Variants in PTPRD observed in about 807,000 individuals in gnomAD.
PTPRD encodes the protein protein tyrosine phosphatase receptor type D.
PTPRD carries 34 observed loss-of-function variants against 214.5 expected under a neutral mutation model. The ratio of observed to expected loss-of-function variants is 0.16; its 90% CI spans 0.12 to 0.21. The LOEUF is 0.21. Ranked by LOEUF, PTPRD falls within the 10% of genes least tolerant of loss-of-function variation. PTPRD has a pLI of 1.00. For missense variants in PTPRD, 2,545 were observed against 2,398.7 expected, an observed-to-expected ratio of 1.06 and a Z score of -1.27; for synonymous variants, 1,128 against 845.7, an observed-to-expected ratio of 1.33 and a Z score of -5.79.
At chr9:9,597,085 C>T (rs928230629) in intron 7 of PTPRD, among the ~76,000 whole-genome samples, 15 of 151,912 alleles carry the variant, frequency 9.9e-5, no homozygotes, top group African/African-American at 2.7e-4. Flanking sequence ...CATTGAAAAA[C>T]GAATGAAAGT....
intron 4 of PTPRD, among the ~76,000 whole-genome samples, chr9:9,939,719 G>A (rs1603105843): frequency 6.6e-6 from 1 of 152,082 alleles, no homozygotes; most frequent in South Asian, 2.1e-4. Context: ...CTGTCTTCTG[G>A]TGTCAAGCTT....
chr9:9,988,530 C>T (rs890245961), intron 4 of PTPRD, among the ~76,000 whole-genome samples: 16 of 152,120 alleles, frequency 1.1e-4, no homozygotes, highest in African/African-American at 3.9e-4. Context: ...ACATGCAGAA[C>T]ATAAGTCTCA....
At chr9:9,462,372 T>C (rs1175521502) in intron 8 of PTPRD, among the ~76,000 whole-genome samples, 1 of 152,158 alleles carries the variant, frequency 6.6e-6, no homozygotes, top group Non-Finnish European at 1.5e-5. Context: ...TAGTCTTGGG[T>C]ATTCATATTC....
chr9:9,415,319 C>G (rs1176797382), intron 8 of PTPRD, among the ~76,000 whole-genome samples: 1 of 151,856 alleles, frequency 6.6e-6, no homozygotes, highest in Non-Finnish European at 1.5e-5. Context: ...ACTGAAAATA[C>G]AAAAATTAGC....
chr9:10,522,579 A>G (rs1046110213), intron 2 of PTPRD, among the ~76,000 whole-genome samples: 1 of 152,132 alleles, frequency 6.6e-6, no homozygotes, highest in African/African-American at 2.4e-5. Context: ...TCCAGATTTT[A>G]CAGAAAGGAC....
At chr9:9,568,794 G>C (rs2085407721) in intron 8 of PTPRD, among the ~76,000 whole-genome samples, 1 of 151,760 alleles carries the variant, frequency 6.6e-6, no homozygotes, top group Non-Finnish European at 1.5e-5. Context: ...ATAGTATAGA[G>C]GACTTCACAG....
At chr9:9,441,969 T>A (rs1404746564) in intron 8 of PTPRD, 1 of 152,260 alleles carries the variant, frequency 6.6e-6, no homozygotes, top group Non-Finnish European at 1.5e-5. Context: ...ATGGAACATA[T>A]TTCAAGATAT....
intron 9 of PTPRD, among the ~76,000 whole-genome samples, chr9:9,331,397 A>C (rs1268793224): frequency 6.6e-6 from 1 of 152,062 alleles, no homozygotes; most frequent in African/African-American, 2.4e-5. Flanking sequence ...TAGGTGGTAG[A>C]TCACTGGCAG....
At chr9:10,409,755 T>A (rs893224380) in intron 2 of PTPRD, among the ~76,000 whole-genome samples, 2 of 151,786 alleles carry the variant, frequency 1.3e-5, no homozygotes, top group African/African-American at 4.8e-5. Flanking sequence ...GATGTTATAT[T>A]GCTTTCAAGG....
intron 11 of PTPRD, among the ~76,000 whole-genome samples, chr9:8,761,292 G>C (rs2094398344): frequency 6.6e-6 from 1 of 152,092 alleles, no homozygotes; most frequent in African/African-American, 2.4e-5. Flanking sequence ...AAGAGACTAG[G>C]ACACTCTAGC....
intron 14 of PTPRD, among the ~76,000 whole-genome samples, chr9:8,581,913 C>CAAAAAAAAAAAAAAA (rs36007156): frequency 6.3e-4 from 22 of 34,954 alleles, no homozygotes; most frequent in African/African-American, 9.8e-4. Context: ...ACTCAATCTC[C>CAAAAAAAAAAAAAAA]AAAAAAAAAA....
chr9:10,401,893 A>T (rs1395652562), intron 2 of PTPRD, among the ~76,000 whole-genome samples: 2 of 151,252 alleles, frequency 1.3e-5, no homozygotes, highest in Admixed American at 6.6e-5. Context: ...ATATATTTAC[A>T]TCTGATAATC....
At chr9:10,081,181 C>G (rs1482866531) in intron 3 of PTPRD, among the ~76,000 whole-genome samples, 1 of 151,928 alleles carries the variant, frequency 6.6e-6, no homozygotes, top group Non-Finnish European at 1.5e-5. Context: ...CTTAAATTCA[C>G]AGACATTATT....
intron 10 of PTPRD, among the ~76,000 whole-genome samples, chr9:9,164,605 TTTCTC>T (rs1195668527): frequency 6.6e-6 from 1 of 152,202 alleles, no homozygotes; most frequent in Non-Finnish European, 1.5e-5. Context: ...CATAAAATCT[TTTCTC>T]TTCCCTTCTT....
At chr9:10,194,000 C>T (rs557601292) in intron 3 of PTPRD, among the ~76,000 whole-genome samples, 16 of 151,958 alleles carry the variant, frequency 1.1e-4, no homozygotes, top group South Asian at 2.1e-4. Context: ...AAAATTCTCC[C>T]GTTCACCTAT....
intron 11 of PTPRD, among the ~76,000 whole-genome samples, chr9:8,883,381 T>A (rs546628683): frequency 6.6e-6 from 1 of 152,204 alleles, no homozygotes; most frequent in Admixed American, 6.5e-5. Context: ...TCAGCACAAA[T>A]GCCTAGACAC....
chr9:9,004,695 G>A (rs1054465603), intron 11 of PTPRD, among the ~76,000 whole-genome samples: 2 of 151,956 alleles, frequency 1.3e-5, no homozygotes, highest in African/African-American at 4.8e-5. Flanking sequence ...AACTGCCTGC[G>A]GAGGGCAAAA....
chr9:10,223,832 C>T (rs1182350327), intron 3 of PTPRD, among the ~76,000 whole-genome samples: 1 of 151,178 alleles, frequency 6.6e-6, no homozygotes, highest in East Asian at 2.0e-4. Flanking sequence ...ACAAAACATG[C>T]TTTTGCAAAT....
chr9:9,805,772 A>T (rs908448097), intron 5 of PTPRD, among the ~76,000 whole-genome samples: 4 of 152,306 alleles, frequency 2.6e-5, no homozygotes, highest in African/African-American at 9.6e-5. Context: ...ACGTTTGTTT[A>T]TCAGCGTCTT....
Sources: gnomAD v4.1 joint callset for allele counts (sites outside exome capture counted in the v4.1 genomes callset) on GRCh38, gnomAD v4.1.1 for gene constraint, MANE v1.5 for transcripts, NCBI Gene and HGNC (gene_info 2026-07-23, HGNC 2026-07-21) for gene names.